Variants in AK4 observed in about 807,000 individuals in gnomAD.
The protein encoded by AK4 is adenylate kinase 4.
In AK4, 13 loss-of-function variants were observed where a neutral mutation model predicts 24.6. The observed-to-expected ratio is 0.53, with a 90% CI of 0.34 to 0.84. The LOEUF is 0.84. AK4 is among the 40% of genes least tolerant of loss of function. The pLI is 0.01. For synonymous variants in AK4, 88 were observed against 107.0 expected (o/e 0.82, Z 1.10); for missense variants, 192 against 288.2 (o/e 0.67, Z 2.42).
In AK4 at chr1:65,226,098, A is replaced by G; in HGVS notation, c.593A>G (p.Glu198Gly). Residue 198 changes from glutamate (E) to glycine (G), a missense_variant, in exon 5 of 5, where the codon GAG becomes GGG. Physicochemically the swap from Glu to Gly is moderately conservative, Grantham distance 98. Transcript: ENST00000327299. Reference sequence around the variant, plus strand: ...GTGCTCCACCAATTTTCCGGAACGGAGACGAACAAAATCTGGCCCTACGTT... The same window carrying G: ...GTGCTCCACCAATTTTCCGGAACGGGGACGAACAAAATCTGGCCCTACGTT... Reference protein sequence around the residue: ...RGVLHQFSGTETNKIWPYVYT... With the variant: ...RGVLHQFSGTGTNKIWPYVYT... 1 of 1,611,770 alleles carries G rather than the reference A, an allele frequency of 6.2e-7. No individual in the cohort carries two copies. Among genetic ancestry groups the G allele is most frequent in the Non-Finnish European group, 8.5e-7 (1 of 1,179,790 alleles).
At chr1:65,213,464 C>G (rs944650229) in intron 2 of AK4, among the ~76,000 whole-genome samples, 3 of 152,090 alleles carry the variant, frequency 2.0e-5, no homozygotes, top group African/African-American at 7.2e-5. Context: ...CAGAGAGCAC[C>G]AGGGACTCCC....
At position 65,169,609 on chromosome 1, in the gene AK4, C is replaced by T. The variant is rs990746930; in HGVS notation, c.145+21057C>T. On this transcript the variant is annotated intron_variant, in intron 1 of 4. Transcript: ENST00000327299. ...GAGGGGAGTGAAGCTGAGGCACTGT[C>T]CCCCAGTGAAAAGTTTAAGGGGGCA... 5.9e-5 allele frequency among the ~76,000 whole-genome samples: 9 copies of T among 152,170 alleles called. No homozygotes were observed. The South Asian group carries it at 1.7e-3, about 28-fold the overall frequency.
chr1:65,187,383 A>C (rs1009466170), intron 1 of AK4, among the ~76,000 whole-genome samples: 1 of 148,576 alleles, frequency 6.7e-6, no homozygotes, highest in Non-Finnish European at 1.5e-5. Flanking sequence ...TGTCCAGGGT[A>C]GGCAAATCTA....
intron 3 of AK4, among the ~76,000 whole-genome samples, chr1:65,219,368 C>T (rs571853420): frequency 6.6e-6 from 1 of 152,042 alleles, no homozygotes; most frequent in South Asian, 2.1e-4. Context: ...ATTCAGGCTA[C>T]TTTTAAGAGA....
At chr1:65,152,360 C>CTATATATATA (rs1649812696) in intron 1 of AK4, among the ~76,000 whole-genome samples, 3 of 27,938 alleles carry the variant, frequency 1.1e-4, no homozygotes, top group African/African-American at 2.2e-4. Context: ...CTCTCTCTCT[C>CTATATATATA]TATATATATA....
intron 4 of AK4, among the ~76,000 whole-genome samples, chr1:65,225,425 T>TC (rs1224617661): frequency 6.6e-6 from 1 of 152,240 alleles, no homozygotes; most frequent in Non-Finnish European, 1.5e-5. Flanking sequence ...CGGCCAGTTA[T>TC]CATTCTAGGG....
chr1:65,169,084 G>A (rs961187986), intron 1 of AK4, among the ~76,000 whole-genome samples: 1 of 151,214 alleles, frequency 6.6e-6, no homozygotes, highest in South Asian at 2.1e-4. Flanking sequence ...GATGAGATGG[G>A]AGGATTGCTT....
intron 3 of AK4, among the ~76,000 whole-genome samples, chr1:65,222,112 T>C (rs1652316251): frequency 6.6e-6 from 1 of 152,164 alleles, no homozygotes; most frequent in South Asian, 2.1e-4. Context: ...TGGTGTCTGA[T>C]TTACATAGGG....
At chr1:65,182,133 T>A (rs1281541598) in intron 1 of AK4, among the ~76,000 whole-genome samples, 1 of 152,090 alleles carries the variant, frequency 6.6e-6, no homozygotes, top group East Asian at 1.9e-4. Context: ...GTTGCCCCAG[T>A]TGGTCTCAAA....
At chr1:65,161,069 TTTG>T (rs757503594) in intron 1 of AK4, among the ~76,000 whole-genome samples, 12 of 152,036 alleles carry the variant, frequency 7.9e-5, no homozygotes, top group Admixed American at 5.2e-4. Flanking sequence ...GGATGTACTT[TTTG>T]TTGTTGTTGT....
In AK4 at chr1:65,190,594, C is replaced by A. The variant is rs960525970; in HGVS notation, c.146-116C>A. ...AAAACTTAAAACATGTCTACAACTT[C>A]CTAGGAATTTCTTCCCACATCAGGA... On this transcript the variant is annotated intron_variant, in intron 1 of 4. Coordinates refer to ENST00000327299, the MANE Select transcript of AK4 (RefSeq NM_013410.4). The A allele has an allele frequency of 2.5e-6, 3 of 1,210,910 alleles. No homozygotes were observed. In the African/African-American group the frequency reaches 4.6e-5, roughly 19 times the overall value. The allele number at this position is 1,210,910 out of a possible 1,614,324, so 75.0% of individuals were successfully genotyped here.
chr1:65,221,657 A>G (rs781610102), intron 3 of AK4, among the ~76,000 whole-genome samples: 1 of 152,238 alleles, frequency 6.6e-6, no homozygotes, highest in Non-Finnish European at 1.5e-5. Context: ...ATAAAAAAGG[A>G]GTTCTGACAA....
At chr1:65,211,667 A>G (rs1255207202) in intron 2 of AK4, among the ~76,000 whole-genome samples, 1 of 152,246 alleles carries the variant, frequency 6.6e-6, no homozygotes. Context: ...TTGAGATAAT[A>G]TTTACTCATT....
intron 1 of AK4, among the ~76,000 whole-genome samples, chr1:65,167,378 G>A (rs1650365801): frequency 1.3e-5 from 2 of 151,884 alleles, no homozygotes; most frequent in African/African-American, 2.4e-5. Context: ...TTGCATATAT[G>A]AGTACAGTTT....
Position 65,231,700 on chromosome 1 carries a change from C to T in AK4, c.*5523C>T, listed in dbSNP as rs983964270. The stretch of plus-strand genomic sequence containing the variant: ...TGAAAACTCAGTCTTTATGTAAGCT[C>T]CAAGGATATTAGGGCTTAAAGGGCT... On this transcript the variant is annotated 3_prime_UTR_variant, in exon 5 of 5. Transcript: ENST00000327299. 4 of 152,096 alleles carry T rather than the reference C, an allele frequency of 2.6e-5. No individual in the cohort carries two copies. Among genetic ancestry groups the T allele is most frequent in the African/African-American group, 9.7e-5 (4 of 41,418 alleles). The allele number at this position is 152,096 out of a possible 1,614,324, so 9.4% of individuals were successfully genotyped here.
intron 1 of AK4, among the ~76,000 whole-genome samples, chr1:65,148,799 G>A (rs1490538870): frequency 6.6e-6 from 1 of 152,018 alleles, no homozygotes; most frequent in Non-Finnish European, 1.5e-5. Context: ...CTCCTGTCGC[G>A]AGGAATAGCC....
At chr1:65,183,655 G>A (rs1161142280) in intron 1 of AK4, among the ~76,000 whole-genome samples, 22 of 7,622 alleles carry the variant, frequency 2.9e-3, no homozygotes, top group Admixed American at 9.6e-3. Context: ...ATATCCGTGT[G>A]TGTGTGTGTG....
At chr1:65,167,008 T>C (rs562135947) in intron 1 of AK4, among the ~76,000 whole-genome samples, 94 of 152,314 alleles carry the variant, frequency 6.2e-4, no homozygotes, top group African/African-American at 2.2e-3. Context: ...GGCTTGTGCC[T>C]GTAGTCTCAG....
chr1:65,207,792 G>A (rs773715698), intron 2 of AK4, among the ~76,000 whole-genome samples: 6 of 152,246 alleles, frequency 3.9e-5, no homozygotes, highest in African/African-American at 1.4e-4. Flanking sequence ...AGAACACATG[G>A]TATTTGGTTT....
Sources: allele counts gnomAD v4.1 joint callset (sites outside exome capture counted in the v4.1 genomes callset), GRCh38; gene constraint gnomAD v4.1.1; transcripts MANE v1.5; gene names NCBI Gene and HGNC (gene_info 2026-07-23, HGNC 2026-07-21).